The following SH3RF1 variants were observed in gnomAD, a reference collection of about 807,000 sequenced individuals.
The protein encoded by SH3RF1 is SH3 domain containing ring finger 1, also known as E3 ubiquitin-protein ligase SH3RF1.
In SH3RF1, 32 loss-of-function variants were observed where a neutral mutation model predicts 74.0. The ratio of observed to expected loss-of-function variants is 0.43; its 90% CI spans 0.33 to 0.58. SH3RF1 has a LOEUF of 0.58. Among genes scored for constraint, SH3RF1 ranks in the 20% least tolerant of loss-of-function variants. The pLI is 0.05. For synonymous variants in SH3RF1, 396 were observed against 439.6 expected (o/e 0.90, Z 1.24); for missense variants, 954 against 1,130.9 (o/e 0.84, Z 2.24).
chr4:169,130,230 A>G, intron 5 of SH3RF1, 74 bp from the exon 6 acceptor site: 1 of 1,054,000 alleles, frequency 9.5e-7, no homozygotes, highest in South Asian at 2.2e-5. Context: ...AAACCTTAGA[A>G]AGGCAAGTCA....
intron 2 of SH3RF1, among the ~76,000 whole-genome samples, chr4:169,160,410 C>G (rs1283462981): frequency 6.6e-6 from 1 of 152,042 alleles, no homozygotes; most frequent in African/African-American, 2.4e-5. Flanking sequence ...CTAAATAGAC[C>G]AGTGGCAAGG....
At chr4:169,152,744 TA>T (rs1424896753) in intron 4 of SH3RF1, among the ~76,000 whole-genome samples, 4 of 151,936 alleles carry the variant, frequency 2.6e-5, no homozygotes, top group Non-Finnish European at 5.9e-5. Flanking sequence ...TCTCAAAAAA[TA>T]AAAAAGGAGA....
chr4:169,206,296 C>T (rs1264240591), intron 2 of SH3RF1, among the ~76,000 whole-genome samples: 2 of 152,188 alleles, frequency 1.3e-5, no homozygotes, highest in Non-Finnish European at 2.9e-5. Flanking sequence ...TGAAGTCCCA[C>T]TGGATTCATC....
intron 2 of SH3RF1, among the ~76,000 whole-genome samples, chr4:169,255,715 C>T (rs1207668758): frequency 6.6e-6 from 1 of 150,632 alleles, no homozygotes; most frequent in Non-Finnish European, 1.5e-5. Flanking sequence ...TCCAACAGTG[C>T]ATTAAAACAT....
intron 2 of SH3RF1, among the ~76,000 whole-genome samples, chr4:169,211,863 C>T (rs1002223422): frequency 2.0e-5 from 3 of 152,170 alleles, no homozygotes; most frequent in Admixed American, 1.3e-4. Flanking sequence ...CTCCTGACAC[C>T]ATCTCTTGGA....
At chr4:169,233,266 A>C (rs1030649688) in intron 2 of SH3RF1, among the ~76,000 whole-genome samples, 8 of 151,574 alleles carry the variant, frequency 5.3e-5, no homozygotes, top group Non-Finnish European at 7.4e-5. Context: ...AAAAAAAAAA[A>C]AAAAAAACCG....
At chr4:169,102,918 T>TC (rs1388301774) in intron 11 of SH3RF1, among the ~76,000 whole-genome samples, 1 of 117,058 alleles carries the variant, frequency 8.5e-6, no homozygotes, top group African/African-American at 3.3e-5. Context: ...TCACATTCTT[T>TC]TTTTTTTTTT....
At chr4:169,256,289 G>A (rs1731193080) in intron 2 of SH3RF1, among the ~76,000 whole-genome samples, 1 of 151,530 alleles carries the variant, frequency 6.6e-6, no homozygotes, top group African/African-American at 2.4e-5. Context: ...AAGGGAGGAA[G>A]AAAGGGAGGA....
chr4:169,217,904 T>C (rs1358372608), intron 2 of SH3RF1, among the ~76,000 whole-genome samples: 1 of 152,154 alleles, frequency 6.6e-6, no homozygotes, highest in Non-Finnish European at 1.5e-5. Context: ...TCCAGCTTCA[T>C]TGATCTAAGC....
chr4:169,222,890 G>C (rs1023547910), intron 2 of SH3RF1, among the ~76,000 whole-genome samples: 4 of 152,170 alleles, frequency 2.6e-5, no homozygotes, highest in Non-Finnish European at 2.9e-5. Context: ...CAAGTTCTCA[G>C]CTGTCTATGA....
intron 10 of SH3RF1, among the ~76,000 whole-genome samples, chr4:169,113,378 G>A (rs1302119718): frequency 6.6e-6 from 1 of 152,158 alleles, no homozygotes; most frequent in East Asian, 1.9e-4. Context: ...CCAAAGTGCT[G>A]GGATTACAGG....
chr4:169,264,597 C>T (rs867484138), intron 2 of SH3RF1, among the ~76,000 whole-genome samples: 2 of 152,132 alleles, frequency 1.3e-5, no homozygotes, highest in Non-Finnish European at 2.9e-5. Flanking sequence ...TCTAGAATTC[C>T]CTACCTTTCT....
rs962600202 is a variant in SH3RF1, at chr4:169,106,711, C to T, written c.2498+136G>A. ...GTCATGTCAAGTGGGAAAAGAAATTCAGTGCTTATTTTCATAAGCTCAGTT... is the reference window on the plus strand; with the variant it reads ...GTCATGTCAAGTGGGAAAAGAAATTTAGTGCTTATTTTCATAAGCTCAGTT... On this transcript the variant is annotated intron_variant, in intron 11 of 11. Transcript: ENST00000284637. 4.2e-6 allele frequency: 3 copies of T among 708,540 alleles called. No individual in the cohort carries two copies. The African/African-American group carries it at 5.3e-5, about 13-fold the overall frequency. The allele number at this position is 708,540 out of a possible 1,614,324, so 43.9% of individuals were successfully genotyped here. A position where few individuals can be genotyped will look rare whatever the true frequency, so the allele number is the denominator to read the frequency against.
chr4:169,226,798 G>C (rs1362351421), intron 2 of SH3RF1, among the ~76,000 whole-genome samples: 1 of 152,200 alleles, frequency 6.6e-6, no homozygotes, highest in East Asian at 1.9e-4. Context: ...ATGATGAATT[G>C]AATGTGTTAG....
At chr4:169,163,918 G>C (rs1399484314) in intron 2 of SH3RF1, among the ~76,000 whole-genome samples, 2 of 152,098 alleles carry the variant, frequency 1.3e-5, no homozygotes, top group Non-Finnish European at 2.9e-5. Context: ...TTGGAATCAG[G>C]TGTAAATAAG....
chr4:169,236,305 A>G (rs556154398), intron 2 of SH3RF1, among the ~76,000 whole-genome samples: 2 of 152,302 alleles, frequency 1.3e-5, no homozygotes, highest in South Asian at 2.1e-4. Context: ...CGACTTGCCA[A>G]TTCCCTTCCT....
chr4:169,222,159 T>C (rs1350222041), intron 2 of SH3RF1, among the ~76,000 whole-genome samples: 2 of 152,222 alleles, frequency 1.3e-5, no homozygotes, highest in Non-Finnish European at 2.9e-5. Context: ...AATTATAATA[T>C]GCTCTTAAAT....
intron 2 of SH3RF1, among the ~76,000 whole-genome samples, chr4:169,259,175 A>T (rs565393616): frequency 2.5e-4 from 38 of 152,146 alleles, no homozygotes; most frequent in Admixed American, 9.2e-4. Context: ...TTCTGGCAAA[A>T]AATAATAATA....
rs1490423088 is a variant in SH3RF1 at position 169,156,432 on chromosome 4, G to A, written c.641C>T (p.Ala214Val). 1.3e-6 allele frequency: 2 copies of A among 1,597,476 alleles called. No individual in the cohort carries two copies. Among genetic ancestry groups the A allele is most frequent in the South Asian group, 1.1e-5 (1 of 89,568 alleles). ...TGCAAATGGAAGGCAATCTTTGTCT[G>A]CTTCCTTGTCTTTCACTTCAAAGTC... ...LYDFEVKDKE[A>V]DKDCLPFAKD... Residue 214 changes from alanine to valine, a missense_variant, in exon 3 of 12, where the codon GCA becomes GTA. Ala to Val is a moderately conservative substitution (Grantham distance 64). Transcript: ENST00000284637.
Sources: allele counts gnomAD v4.1 joint callset (sites outside exome capture counted in the v4.1 genomes callset), GRCh38; gene constraint gnomAD v4.1.1; transcripts MANE v1.5; gene names NCBI Gene and HGNC (gene_info 2026-07-23, HGNC 2026-07-21).